MARK1: variants seen among roughly 807,000 people sequenced by gnomAD.
MARK1 encodes microtubule affinity regulating kinase 1, also known as serine/threonine-protein kinase MARK1.
MARK1 carries 40 observed loss-of-function variants against 96.3 expected under a neutral mutation model. The ratio of observed to expected loss-of-function variants is 0.42; its 90% CI spans 0.32 to 0.54. The LOEUF is 0.54. MARK1 is among the 20% of genes least tolerant of loss of function. The probability of loss-of-function intolerance (pLI) is 0.16; values close to 1 mark genes in which losing one functional copy is unlikely to be tolerated. For missense variants in MARK1, 719 were observed against 984.6 expected (o/e 0.73, Z 3.61); for synonymous variants, 317 against 341.2 (o/e 0.93, Z 0.78).
intron 5 of MARK1, among the ~76,000 whole-genome samples, chr1:220,602,232 C>CT (rs1404977410): frequency 7.2e-5 from 11 of 152,024 alleles, no homozygotes; most frequent in Admixed American, 6.6e-4. Flanking sequence ...TCAAAGAAAT[C>CT]TTTTTTTTAT....
At chr1:220,564,777 G>C (rs563344289) in intron 1 of MARK1, among the ~76,000 whole-genome samples, 1 of 152,234 alleles carries the variant, frequency 6.6e-6, no homozygotes, top group South Asian at 2.1e-4. Context: ...TTGTCAATTA[G>C]TATTGGTTAA....
At chr1:220,657,248 T>C (rs1431541485) in intron 16 of MARK1, among the ~76,000 whole-genome samples, 1 of 152,226 alleles carries the variant, frequency 6.6e-6, no homozygotes, top group Non-Finnish European at 1.5e-5. Flanking sequence ...TCCGTGTTTT[T>C]AGACTTGCCT....
chr1:220,623,172 A>G (rs916188401), intron 9 of MARK1, among the ~76,000 whole-genome samples: 16 of 152,056 alleles, frequency 1.1e-4, no homozygotes, highest in Non-Finnish European at 2.9e-5. Flanking sequence ...TCTTTATACC[A>G]TGCCTGAGAC....
At chr1:220,628,105 CT>C (rs1558308511) in intron 9 of MARK1, 1 of 152,184 alleles carries the variant, frequency 6.6e-6, no homozygotes, top group African/African-American at 2.4e-5. Flanking sequence ...GGAAAGATGT[CT>C]TTTGTTGAAG....
At chr1:220,613,282 T>A (rs1666558586) in intron 6 of MARK1, among the ~76,000 whole-genome samples, 1 of 152,220 alleles carries the variant, frequency 6.6e-6, no homozygotes. Flanking sequence ...GTGGTAATAC[T>A]ATAATAAACT....
At chr1:220,617,698 T>C (rs1272004067) in intron 7 of MARK1, among the ~76,000 whole-genome samples, 1 of 152,158 alleles carries the variant, frequency 6.6e-6, no homozygotes, top group Non-Finnish European at 1.5e-5. Flanking sequence ...AGAATCTAGT[T>C]TTAGAACAGC....
chr1:220,649,362 G>C (rs562954021), intron 13 of MARK1, among the ~76,000 whole-genome samples: 24 of 152,184 alleles, frequency 1.6e-4, no homozygotes, highest in African/African-American at 5.5e-4. Flanking sequence ...GAGTAGCTGG[G>C]ACTACAGGTG....
chr1:220,587,453 C>G (rs1286744832), intron 3 of MARK1, among the ~76,000 whole-genome samples: 1 of 152,036 alleles, frequency 6.6e-6, no homozygotes, highest in African/African-American at 2.4e-5. Context: ...ACTGCAACCT[C>G]CACTTCCTGG....
intron 9 of MARK1, chr1:220,625,785 G>A (rs1347512735): frequency 1.1e-5 from 5 of 453,500 alleles, no homozygotes; most frequent in South Asian, 5.0e-5. Context: ...TTACTACTAC[G>A]ACGGGGATGT....
chr1:220,588,986 A>C (rs992846275), intron 3 of MARK1, among the ~76,000 whole-genome samples: 1 of 152,236 alleles, frequency 6.6e-6, no homozygotes, highest in African/African-American at 2.4e-5. Flanking sequence ...GTTGTAAGGC[A>C]CAAGAACTGT....
At chr1:220,587,325 TTCTTTC>T (rs1030731562) in intron 3 of MARK1, among the ~76,000 whole-genome samples, 7 of 76,440 alleles carry the variant, frequency 9.2e-5, no homozygotes, top group African/African-American at 3.1e-4. Flanking sequence ...CTCTCTCTCT[TTCTTTC>T]TCTCTCTCTC....
chr1:220,611,192 A>G (rs1318571165), intron 6 of MARK1, among the ~76,000 whole-genome samples: 1 of 152,140 alleles, frequency 6.6e-6, no homozygotes, highest in Non-Finnish European at 1.5e-5. Context: ...GATGGAGTCT[A>G]GAGGCAGTAG....
At chr1:220,591,289 C>T (rs552862731) in intron 3 of MARK1, among the ~76,000 whole-genome samples, 2 of 152,266 alleles carry the variant, frequency 1.3e-5, no homozygotes, top group Admixed American at 1.3e-4. Flanking sequence ...TGTTCTGAAA[C>T]ATGGAGCTGC....
intron 1 of MARK1, among the ~76,000 whole-genome samples, chr1:220,572,241 T>C (rs1055155402): frequency 1.3e-5 from 2 of 152,022 alleles, no homozygotes; most frequent in African/African-American, 4.8e-5. Context: ...TTTTTTCTTT[T>C]CCTTTTTTTT....
At chr1:220,532,122 T>G (rs948835680) in intron 1 of MARK1, among the ~76,000 whole-genome samples, 1 of 152,212 alleles carries the variant, frequency 6.6e-6, no homozygotes, top group African/African-American at 2.4e-5. Context: ...CTCTTTTGAC[T>G]ACTTCTTGGA....
At chr1:220,586,276 C>T (rs1298341071) in intron 3 of MARK1, among the ~76,000 whole-genome samples, 1 of 152,112 alleles carries the variant, frequency 6.6e-6, no homozygotes, top group Non-Finnish European at 1.5e-5. Context: ...TTTTCATCTG[C>T]TCCTATTCAT....
chr1:220,627,071 A>G (rs1667386590), intron 9 of MARK1: 1 of 539,780 alleles, frequency 1.9e-6, no homozygotes, highest in Non-Finnish European at 3.8e-6. Context: ...CCAGAACACG[A>G]ATGGTACTTG....
chr1:220,626,423 A>G lies in MARK1; in HGVS notation c.910-4612A>G, dbSNP rs1667338352. ...TATGCTGTTAACTACCTGCTCCGAG[A>G]TGGGATTGACGACAAGTCCTATGAG... On this transcript the variant is annotated intron_variant, in intron 9 of 17. Transcript: ENST00000366917. 1.5e-5 allele frequency: 8 copies of G among 545,476 alleles called. 1 individual carries two copies. Among genetic ancestry groups the G allele is most frequent in the Middle Eastern group, 7.5e-4 (2 of 2,658 alleles). 33.8% of individuals were successfully genotyped at this position (545,476 alleles called of 1,614,324 possible).
chr1:220,631,783 G>A (rs1667694679), intron 10 of MARK1, among the ~76,000 whole-genome samples: 1 of 152,146 alleles, frequency 6.6e-6, no homozygotes, highest in South Asian at 2.1e-4. Flanking sequence ...TCCCAAAGAA[G>A]AGTCAACCTA....
Sources: allele counts gnomAD v4.1 joint callset (sites outside exome capture counted in the v4.1 genomes callset), GRCh38; gene constraint gnomAD v4.1.1; transcripts MANE v1.5; gene names NCBI Gene and HGNC (gene_info 2026-07-23, HGNC 2026-07-21).